The following ABCF3 variants were observed in gnomAD, a reference collection of about 807,000 sequenced individuals.
The protein encoded by ABCF3 is ATP-binding cassette sub-family F member 3.
In ABCF3, 62 loss-of-function variants were observed where a neutral mutation model predicts 94.3. The observed-to-expected ratio is 0.66, with a 90% CI of 0.54 to 0.81. The LOEUF (loss-of-function observed/expected upper bound fraction) is 0.81, where lower values mean the gene tolerates loss of function less well. Among genes scored for constraint, ABCF3 ranks in the 40% least tolerant of loss-of-function variants. The pLI, the probability that ABCF3 is intolerant of heterozygous loss-of-function variation, is 0.00. For synonymous variants in ABCF3, 355 were observed against 361.1 expected (o/e 0.98, Z 0.19); for missense variants, 843 against 925.3 (o/e 0.91, Z 1.15).
chr3:184,189,315 C>G, intron 11 of ABCF3, 38 bp downstream of exon 11: 2 of 1,614,170 alleles, frequency 1.2e-6, no homozygotes, highest in Non-Finnish European at 1.7e-6. Context: ...TTAGGATGGG[C>G]AGGGGTGGTA....
chr3:184,187,192 C>T (rs1316277337), intron 3 of ABCF3: 3 of 692,740 alleles, frequency 4.3e-6, no homozygotes, highest in South Asian at 1.7e-5. Context: ...CCAGCCTTGT[C>T]TATGCCTCTG....
At chr3:184,192,764 A>T (rs1477240387) in intron 17 of ABCF3, 41 bp from the exon 18 acceptor site, 2 of 1,612,024 alleles carry the variant, frequency 1.2e-6, no homozygotes, top group South Asian at 1.1e-5. Context: ...CTTCGTGGCC[A>T]TTGCCTTTGT....
In ABCF3 at chr3:184,189,657, A is replaced by C; in HGVS notation, c.1214A>C (p.Tyr405Ser). The C allele has an allele frequency of 6.2e-7, 1 of 1,614,210 alleles. No individual in the cohort carries two copies. The highest frequency in any genetic ancestry group is 1.1e-5 in the South Asian group (1 of 91,088). ...CTGCACAGCCAGCGGCTAGATGGTT[A>C]CCGGGGAGACTTTGAGACCTTCATC... ...IHLHSQRLDG[Y>S]RGDFETFIKS... The change falls in exon 13 of 21, where the codon TAC (tyrosine) becomes TCC (serine). Residue 405 changes from tyrosine (Y) to serine (S), a missense_variant. Physicochemically the swap from Tyr to Ser is moderately radical, Grantham distance 144. Transcript: ENST00000429586.
Position 184,188,896 on chromosome 3 carries a change from TC to T in ABCF3, c.918-31del, listed in dbSNP as rs748797932. 7.4e-6 allele frequency: 12 copies of T among 1,614,208 alleles called. No homozygotes were observed. In the East Asian group the frequency reaches 2.0e-4, roughly 27 times the overall value. On this transcript the variant is annotated intron_variant, in intron 8 of 20. Coordinates refer to ENST00000429586, the MANE Select transcript of ABCF3 (RefSeq NM_018358.3). ...ATTTCCTTTCCCTTCTGTGGACTGTTCCAACTGAGTTCTTCGATTTCTTCTC... is the reference window on the plus strand; with the variant it reads ...ATTTCCTTTCCCTTCTGTGGACTGTTCAACTGAGTTCTTCGATTTCTTCTC...
chr3:184,189,626 A>G lies in ABCF3; in HGVS notation c.1183A>G (p.Ile395Val). 4 of 1,614,178 alleles carry G rather than the reference A, an allele frequency of 2.5e-6. No homozygotes were observed. Among genetic ancestry groups the G allele is most frequent in the Non-Finnish European group, 3.4e-6 (4 of 1,180,034 alleles). ...NFLNAIATDI[I>V]HLHSQRLDGY... The stretch of plus-strand genomic sequence containing the variant: ...CTTGAATGCCATCGCCACAGACATC[A>G]TCCACCTGCACAGCCAGCGGCTAGA... The change falls in exon 13 of 21, where the codon ATC (isoleucine) becomes GTC (valine). Residue 395 changes from isoleucine to valine, a missense_variant. Ile to Val is a conservative substitution (Grantham distance 29). Transcript: ENST00000429586.
chr3:184,191,715 T>G (rs1181379956), intron 16 of ABCF3, among the ~76,000 whole-genome samples: 1 of 148,840 alleles, frequency 6.7e-6, no homozygotes, highest in Non-Finnish European at 1.5e-5. Context: ...ATTGCTCACC[T>G]TAGTATATGC....
At chr3:184,192,459 C>G in intron 16 of ABCF3, 142 bp from the exon 17 acceptor site, 1 of 814,842 alleles carries the variant, frequency 1.2e-6, no homozygotes, top group Non-Finnish European at 1.9e-6. Context: ...CTCCTCCCCC[C>G]TTATCCTTCC....
At position 184,193,751 on chromosome 3, in the gene ABCF3, GGGCCACCATGTA is replaced by G; in HGVS notation, c.*62_*73del. On this transcript the variant is annotated 3_prime_UTR_variant, in exon 21 of 21. Transcript: ENST00000429586. This position sits in a 1 kb window ranked among gnomAD's most constrained non-coding sequence, Gnocchi z 5.2. ...ACATGGACTGGTCTCTCAGACCCCT[GGGCCACCATGTA>G]GGCCACCACTCCAGGCCGTGGACTT... 6.6e-7 allele frequency: 1 copy of G among 1,507,802 alleles called. No homozygotes were observed. The highest frequency in any genetic ancestry group is 2.4e-5 in the East Asian group (1 of 41,434). The allele number at this position is 1,507,802 out of a possible 1,614,324, so 93.4% of individuals were successfully genotyped here. A position where few individuals can be genotyped will look rare whatever the true frequency, so the allele number is the denominator to read the frequency against.
Position 184,189,565 on chromosome 3 carries a change from C to G in ABCF3, c.1122C>G (p.Pro374=), listed in dbSNP as rs770422636. Residue 374 remains proline, a synonymous_variant, in exon 13 of 21, where the codon CCC becomes CCG. Coordinates refer to ENST00000429586, the MANE Select transcript of ABCF3 (RefSeq NM_018358.3). ...GTCCTGTGACCCCTCAGACGTGGCC[C>G]TCCACCATCCTAGTCGTCTCCCACG... is the stretch of plus-strand genomic sequence containing the variant. ...LWLENYLQTW[P]STILVVSHDR... 1 of 1,614,150 alleles carries G rather than the reference C, an allele frequency of 6.2e-7. No individual in the cohort carries two copies. Among genetic ancestry groups the G allele is most frequent in the South Asian group, 1.1e-5 (1 of 91,086 alleles).
intron 16 of ABCF3, among the ~76,000 whole-genome samples, chr3:184,192,170 A>T (rs901624095): frequency 6.6e-6 from 1 of 152,134 alleles, no homozygotes; most frequent in African/African-American, 2.4e-5. Context: ...TTGATACATA[A>T]TTGTACATAT....
chr3:184,189,462 T>C lies in ABCF3; in HGVS notation c.1113+19T>C. 6.2e-7 allele frequency: 1 copy of C among 1,613,972 alleles called. No homozygotes were observed. The highest frequency in any genetic ancestry group is 8.5e-7 in the Non-Finnish European group (1 of 1,179,990). ...CCTGCAGGTGAGTGCCTGTGGGTGC[T>C]GGAGTGTGTTGGGGAAAGGCGGCCT... On this transcript the variant is annotated intron_variant, in intron 12 of 20. Coordinates refer to ENST00000429586, the MANE Select transcript of ABCF3 (RefSeq NM_018358.3).
In ABCF3 at chr3:184,192,810, T is replaced by G; in HGVS notation, c.1664T>G (p.Leu555Arg). The G allele has an allele frequency of 6.2e-7, 1 of 1,614,104 alleles. No individual in the cohort carries two copies. Among genetic ancestry groups the G allele is most frequent in the South Asian group, 1.1e-5 (1 of 91,080 alleles). The stretch of plus-strand genomic sequence containing the variant: ...ACCTCGGCTTCTGCCTGCAGGAATC[T>G]GAAGATTGGCTATTTCAGCCAGCAC... The part of the protein sequence containing the change: ...VRGIRHAHRN[L>R]KIGYFSQHHV... The change falls in exon 18 of 21, where the codon CTG becomes CGG. Residue 555 changes from leucine (L) to arginine (R), a missense_variant. By Grantham distance (102) the Leu-to-Arg change is moderately radical. Transcript: ENST00000429586.
Position 184,188,925 on chromosome 3 carries a change from C to T in ABCF3, c.918-4C>T, listed in dbSNP as rs375473597. 4 of 1,614,246 alleles carry T rather than the reference C, an allele frequency of 2.5e-6. No homozygotes were observed. The highest frequency in any genetic ancestry group is 2.2e-5 in the East Asian group (1 of 44,884). ...ACTGAGTTCTTCGATTTCTTCTCTA[C>T]TAGGGCATCAGTCATTCTCGCTGGG... On this transcript the variant is annotated splice_region_variant and splice_polypyrimidine_tract_variant and intron_variant, in intron 8 of 20. Transcript: ENST00000429586.
chr3:184,191,649 T>C (rs988606770), intron 16 of ABCF3, among the ~76,000 whole-genome samples: 1 of 151,978 alleles, frequency 6.6e-6, no homozygotes, highest in Admixed American at 6.6e-5. Context: ...CGCTGACATC[T>C]ACCTCACTTG....
Position 184,188,772 on chromosome 3 carries a change from C to G in ABCF3, c.848C>G (p.Ser283Cys), listed in dbSNP as rs773096504. The G allele has an allele frequency of 6.2e-7, 1 of 1,613,912 alleles. No individual in the cohort carries two copies. The highest frequency in any genetic ancestry group is 1.7e-5 in the Admixed American group (1 of 60,022). Residue 283 changes from serine (S) to cysteine (C), a missense_variant, in exon 8 of 21, where the codon TCT becomes TGT. Physicochemically the swap from Ser to Cys is moderately radical, Grantham distance 112 (BLOSUM62 -1). Coordinates refer to ENST00000429586, the MANE Select transcript of ABCF3 (RefSeq NM_018358.3). ...AQIAAGRAEG[S>C]EAAELAEIYA... ...TCTCCTCCCTCCAGGGCGGAGGGCT[C>G]TGAAGCTGCAGAGCTGGCAGAAATC...
At position 184,188,936 on chromosome 3, in the gene ABCF3, G is replaced by C; in HGVS notation, c.925G>C (p.Val309Leu). The change falls in exon 9 of 21, where the codon GTC (valine) becomes CTC (leucine). Residue 309 changes from valine to leucine, a missense_variant. Val to Leu is a conservative substitution (Grantham distance 32). Transcript: ENST00000429586. ...CGATTTCTTCTCTACTAGGGCATCAGTCATTCTCGCTGGGCTTGGCTTTAC... is the reference window on the plus strand; with the variant it reads ...CGATTTCTTCTCTACTAGGGCATCACTCATTCTCGCTGGGCTTGGCTTTAC... Reference protein sequence around the residue: ...EADKAPARASVILAGLGFTPK... With the variant: ...EADKAPARASLILAGLGFTPK... The C allele has an allele frequency of 1.9e-6, 3 of 1,614,186 alleles. No individual in the cohort carries two copies. The highest frequency in any genetic ancestry group is 2.5e-6 in the Non-Finnish European group (3 of 1,180,040).
Position 184,189,933 on chromosome 3 carries a change from T to A in ABCF3, c.1391+2T>A. On this transcript the variant is annotated splice_donor_variant, in intron 14 of 20. Coordinates refer to ENST00000429586, the MANE Select transcript of ABCF3 (RefSeq NM_018358.3). LOFTEE classifies it high-confidence loss of function. ...TAAACTCAAGATGCTGGAGAAGCTG[T>A]GAGTACAGCATCCTTGGCCAGGGCC... 1 of 1,614,180 alleles carries A rather than the reference T, an allele frequency of 6.2e-7. No homozygotes were observed. The highest frequency in any genetic ancestry group is 8.5e-7 in the Non-Finnish European group (1 of 1,179,994).
At position 184,193,608 on chromosome 3, in the gene ABCF3, C is replaced by T. The variant is rs576689028; in HGVS notation, c.2040C>T (p.Cys680=). The T allele has an allele frequency of 1.1e-5, 18 of 1,614,124 alleles. No homozygotes were observed. The highest frequency in any genetic ancestry group is 5.3e-5 in the African/African-American group (4 of 75,042). The stretch of plus-strand genomic sequence containing the variant: ...TGGTGTGCCGGGAGTTGTGGGTATG[C>T]GAAGGAGGCGGCGTCACCCGTGTGG... The part of the protein sequence containing the change: ...IRLVCRELWV[C]EGGGVTRVEG... Residue 680 remains cysteine (C), a synonymous_variant, in exon 21 of 21, where the codon TGC becomes TGT. Transcript: ENST00000429586. The surrounding 1 kb of genome is among the most constrained non-coding windows in gnomAD (Gnocchi z 5.2).
At position 184,193,566 on chromosome 3, in the gene ABCF3, T is replaced by C. The variant is rs761656966; in HGVS notation, c.1998T>C (p.Asp666=). The part of the protein sequence containing the change: ...FRGGVILVSH[D]ERFIRLVCRE... ...GTGGTGTGATTCTGGTGTCCCACGA[T>C]GAGCGCTTTATCAGGCTGGTGTGCC... The change falls in exon 21 of 21, where the codon GAT becomes GAC. Residue 666 remains aspartate (D), a synonymous_variant. Transcript: ENST00000429586. The surrounding 1 kb of genome is among the most constrained non-coding windows in gnomAD (Gnocchi z 5.2). The C allele has an allele frequency of 2.5e-6, 4 of 1,614,206 alleles. No homozygotes were observed. Among genetic ancestry groups the C allele is most frequent in the Admixed American group, 1.7e-5 (1 of 60,024 alleles).
Sources: allele counts gnomAD v4.1 joint callset (sites outside exome capture counted in the v4.1 genomes callset), GRCh38; gene constraint gnomAD v4.1.1; non-coding constraint Gnocchi (gnomAD v3.1); transcripts MANE v1.5; gene names NCBI Gene and HGNC (gene_info 2026-07-23, HGNC 2026-07-21).